PPM1L: variants seen among roughly 807,000 people sequenced by gnomAD.
PPM1L encodes protein phosphatase, Mg2+/Mn2+ dependent 1L, also known as protein phosphatase 1L.
In PPM1L, 13 loss-of-function variants were observed where a neutral mutation model predicts 31.4. The ratio of observed to expected loss-of-function variants is 0.41; its 90% CI spans 0.27 to 0.66. The LOEUF (loss-of-function observed/expected upper bound fraction) is 0.66, where lower values mean the gene tolerates loss of function less well. PPM1L is among the 30% of genes least tolerant of loss of function. The probability of loss-of-function intolerance (pLI) is 0.29; values close to 1 mark genes in which losing one functional copy is unlikely to be tolerated. For synonymous variants in PPM1L, 184 were observed against 175.4 expected (o/e 1.05, Z -0.39); for missense variants, 326 against 453.7 (o/e 0.72, Z 2.56).
At chr3:160,950,466 C>T (rs745909906) in intron 1 of PPM1L, among the ~76,000 whole-genome samples, 9 of 152,188 alleles carry the variant, frequency 5.9e-5, no homozygotes, top group Non-Finnish European at 1.2e-4. Context: ...ACCCCAACTA[C>T]ACATACAAGG....
Position 161,070,178 on chromosome 3 carries a change from A to G in PPM1L, c.*1021A>G, listed in dbSNP as rs1719864124. 1 of 152,174 alleles carries G rather than the reference A, an allele frequency of 6.6e-6. No individual in the cohort carries two copies. Among genetic ancestry groups the G allele is most frequent in the Non-Finnish European group, 1.5e-5 (1 of 68,078 alleles). The allele number at this position is 152,174 out of a possible 1,614,324, so 9.4% of individuals were successfully genotyped here. A position where few individuals can be genotyped will look rare whatever the true frequency, so the allele number is the denominator to read the frequency against. Reference sequence around the variant, plus strand: ...TTTGTGTTTTTCCTTGCCCCTTTCCAAGTGGTTTTCAAGTGTCAGGCAGTG... The same window carrying G: ...TTTGTGTTTTTCCTTGCCCCTTTCCGAGTGGTTTTCAAGTGTCAGGCAGTG... On this transcript the variant is annotated 3_prime_UTR_variant, in exon 4 of 4. Transcript: ENST00000498165.
At chr3:160,895,709 T>A (rs1713313985) in intron 1 of PPM1L, among the ~76,000 whole-genome samples, 1 of 152,182 alleles carries the variant, frequency 6.6e-6, no homozygotes, top group Admixed American at 6.5e-5. Flanking sequence ...AATAGGGACA[T>A]CAAGAGTGTC....
intron 1 of PPM1L, among the ~76,000 whole-genome samples, chr3:160,884,664 C>T (rs1042266981): frequency 2.0e-5 from 3 of 150,148 alleles, no homozygotes; most frequent in African/African-American, 7.4e-5. Flanking sequence ...TGCTAGTACA[C>T]ATATTTTAAT....
chr3:160,855,704 A>G (rs1420648793), intron 1 of PPM1L, among the ~76,000 whole-genome samples: 1 of 152,196 alleles, frequency 6.6e-6, no homozygotes, highest in African/African-American at 2.4e-5. Context: ...TGAAAAGTCA[A>G]AAAACAACAG....
intron 1 of PPM1L, among the ~76,000 whole-genome samples, chr3:160,898,906 G>T (rs1406116160): frequency 6.6e-6 from 1 of 152,174 alleles, no homozygotes; most frequent in Non-Finnish European, 1.5e-5. Flanking sequence ...AAGATTATAA[G>T]TATTGCCAAG....
chr3:160,869,398 C>T (rs1192332737), intron 1 of PPM1L, among the ~76,000 whole-genome samples: 2 of 152,252 alleles, frequency 1.3e-5, no homozygotes, highest in East Asian at 3.9e-4. Flanking sequence ...CTATTGTTTG[C>T]TCAGCTTTGG....
At chr3:160,872,971 G>A (rs1417465275) in intron 1 of PPM1L, among the ~76,000 whole-genome samples, 2 of 152,160 alleles carry the variant, frequency 1.3e-5, no homozygotes, top group African/African-American at 4.8e-5. Context: ...TTTATGATGT[G>A]AGGAAAATCA....
chr3:161,015,649 G>T (rs568635479), intron 2 of PPM1L, among the ~76,000 whole-genome samples: 1 of 152,124 alleles, frequency 6.6e-6, no homozygotes, highest in Non-Finnish European at 1.5e-5. Context: ...CAGCTCTGAG[G>T]CTTTTTGTTT....
chr3:160,759,754 G>T (rs1209388006), intron 1 of PPM1L, among the ~76,000 whole-genome samples: 1 of 152,144 alleles, frequency 6.6e-6, no homozygotes, highest in African/African-American at 2.4e-5. Flanking sequence ...CGCCTTGAAG[G>T]TATTGTTTAC....
In PPM1L at chr3:160,842,459, T is replaced by G. The variant is rs141611527; in HGVS notation, c.399+85752T>G. On this transcript the variant is annotated intron_variant, in intron 1 of 3. Transcript: ENST00000498165. ...GAAAATGGATGAACAGTGAAGGTTC[T>G]TAGCCAGGAATAAGAAGAAAATTGA... 3.2e-3 allele frequency among the ~76,000 whole-genome samples: 491 copies of G among 152,296 alleles called. 1 individual carries two copies. The highest frequency in any genetic ancestry group is 6.2e-3 in the Non-Finnish European group (425 of 68,034).
chr3:160,812,143 C>G (rs1319550140), intron 1 of PPM1L, among the ~76,000 whole-genome samples: 1 of 152,168 alleles, frequency 6.6e-6, no homozygotes, highest in Non-Finnish European at 1.5e-5. Context: ...GTCTTTGGGC[C>G]TCTGCACTGG....
intron 1 of PPM1L, among the ~76,000 whole-genome samples, chr3:160,953,152 C>G (rs1033652288): frequency 6.6e-6 from 1 of 152,130 alleles, no homozygotes; most frequent in Admixed American, 6.6e-5. Context: ...GTCTCTATAT[C>G]AGGACCAACA....
chr3:161,022,177 G>C (rs1240642623), intron 2 of PPM1L: 1 of 673,864 alleles, frequency 1.5e-6, no homozygotes, highest in African/African-American at 1.8e-5. Flanking sequence ...TGACTGCTTG[G>C]AGACTGCAAG....
At chr3:160,810,861 G>A (rs941313057) in intron 1 of PPM1L, among the ~76,000 whole-genome samples, 1 of 152,172 alleles carries the variant, frequency 6.6e-6, no homozygotes, top group Admixed American at 6.5e-5. Flanking sequence ...AGGTTGACTT[G>A]ATGGTGGTTG....
chr3:160,777,339 A>G (rs1711589545), intron 1 of PPM1L, among the ~76,000 whole-genome samples: 1 of 152,140 alleles, frequency 6.6e-6, no homozygotes, highest in Admixed American at 6.5e-5. Context: ...AATTAAGTAC[A>G]TAATTTTTGA....
At chr3:160,915,929 A>C (rs968543049) in intron 1 of PPM1L, among the ~76,000 whole-genome samples, 77 of 152,354 alleles carry the variant, frequency 5.1e-4, no homozygotes, top group African/African-American at 1.3e-3. Flanking sequence ...TAAAGACTTA[A>C]ATGTTAGACC....
At chr3:160,857,093 A>G (rs1711734510) in intron 1 of PPM1L, among the ~76,000 whole-genome samples, 1 of 152,212 alleles carries the variant, frequency 6.6e-6, no homozygotes, top group African/African-American at 2.4e-5. Flanking sequence ...CTTTAAAAGA[A>G]AGAAGTTAAT....
At chr3:160,911,940 A>G (rs942280273) in intron 1 of PPM1L, among the ~76,000 whole-genome samples, 6 of 152,206 alleles carry the variant, frequency 3.9e-5, no homozygotes, top group Non-Finnish European at 7.3e-5. Flanking sequence ...AGTAGTTTGT[A>G]TCTCTGCATT....
intron 1 of PPM1L, among the ~76,000 whole-genome samples, chr3:160,949,036 A>C (rs759778851): frequency 1.5e-4 from 23 of 152,228 alleles, no homozygotes; most frequent in Non-Finnish European, 3.2e-4. Flanking sequence ...TGATTTACTA[A>C]ATATGGAGCA....
Sources: gnomAD v4.1 joint callset for allele counts (sites outside exome capture counted in the v4.1 genomes callset) on GRCh38, gnomAD v4.1.1 for gene constraint, MANE v1.5 for transcripts, NCBI Gene and HGNC (gene_info 2026-07-23, HGNC 2026-07-21) for gene names.